The following SPAG17 variants were observed in gnomAD, a reference collection of about 807,000 sequenced individuals.
SPAG17 encodes the protein sperm-associated antigen 17.
Under a neutral mutation model 273.6 loss-of-function variants are expected in SPAG17, and 169 were observed. The observed-to-expected ratio is 0.62, with a 90% CI of 0.55 to 0.70. The LOEUF is 0.70. Ranked by LOEUF, SPAG17 falls within the 30% of genes least tolerant of loss-of-function variation. The pLI, the probability that SPAG17 is intolerant of heterozygous loss-of-function variation, is 0.00. For synonymous variants in SPAG17, 825 were observed against 873.2 expected (o/e 0.94, Z 0.97); for missense variants, 2,557 against 2,627.8 (o/e 0.97, Z 0.59).
At chr1:118,156,319 A>G (rs1185379911) in intron 1 of SPAG17, among the ~76,000 whole-genome samples, 1 of 152,214 alleles carries the variant, frequency 6.6e-6, no homozygotes, top group African/African-American at 2.4e-5. Flanking sequence ...GCAGGGCTCT[A>G]TACATAAATA....
intron 21 of SPAG17, among the ~76,000 whole-genome samples, chr1:118,041,570 G>A (rs546929475): frequency 6.6e-6 from 1 of 152,136 alleles, no homozygotes; most frequent in African/African-American, 2.4e-5. Context: ...ACCTTAGCTA[G>A]GTTCGTGGCA....
rs1411400040 is a variant in SPAG17, at chr1:118,093,301, T to A, written c.1028A>T (p.Asp343Val). Residue 343 changes from aspartate (D) to valine (V), a missense_variant, in exon 8 of 49, where the codon GAT becomes GTT. Coordinates refer to ENST00000336338, the MANE Select transcript of SPAG17 (RefSeq NM_206996.4). Reference sequence around the variant, plus strand: ...CAAGCAGGCAATATTTTCAAAAATATCAGTGCCCAATTTCAGCTACAAGTG... The same window carrying A: ...CAAGCAGGCAATATTTTCAAAAATAACAGTGCCCAATTTCAGCTACAAGTG... ...DGEMMLKLGT[D>V]IFENIACLMY... The A allele has an allele frequency of 6.2e-7, 1 of 1,609,634 alleles. No homozygotes were observed. The highest frequency in any genetic ancestry group is 8.5e-7 in the Non-Finnish European group (1 of 1,177,734).
intron 43 of SPAG17, among the ~76,000 whole-genome samples, chr1:117,977,667 C>G (rs1365517404): frequency 6.6e-6 from 1 of 152,190 alleles, no homozygotes; most frequent in East Asian, 1.9e-4. Context: ...TTTCCATTTA[C>G]AGTGGAGTCA....
At chr1:117,962,747 A>G (rs2101386759) in intron 48 of SPAG17, 1 of 152,378 alleles carries the variant, frequency 6.6e-6, no homozygotes, top group South Asian at 2.1e-4. Context: ...CATTCTAAAG[A>G]TATCTAGCAA....
At chr1:118,051,421 C>T (rs1385260376) in intron 20 of SPAG17, among the ~76,000 whole-genome samples, 2 of 151,766 alleles carry the variant, frequency 1.3e-5, no homozygotes, top group Non-Finnish European at 2.9e-5. Context: ...AATCAGTATC[C>T]TGAGAAGGTA....
At chr1:118,159,976 T>G (rs1219102257) in intron 1 of SPAG17, among the ~76,000 whole-genome samples, 1 of 152,146 alleles carries the variant, frequency 6.6e-6, no homozygotes, top group Non-Finnish European at 1.5e-5. Context: ...AAAATGAACT[T>G]CAGAACATAA....
At chr1:118,083,308 C>T (rs1475691614) in intron 13 of SPAG17, among the ~76,000 whole-genome samples, 1 of 152,102 alleles carries the variant, frequency 6.6e-6, no homozygotes. Flanking sequence ...TACAAAGGCA[C>T]ATGATCCAAC....
intron 20 of SPAG17, among the ~76,000 whole-genome samples, chr1:118,048,340 G>A (rs575425778): frequency 6.6e-6 from 1 of 152,196 alleles, no homozygotes; most frequent in African/African-American, 2.4e-5. Context: ...GCTGGCTGCT[G>A]CGGATTCAGG....
chr1:117,958,892 G>A, intron 48 of SPAG17: 1 of 1,609,900 alleles, frequency 6.2e-7, no homozygotes, highest in Non-Finnish European at 8.5e-7. Context: ...ACATGGCTGT[G>A]TTTTGTTTTT....
At chr1:118,150,503 T>C in intron 3 of SPAG17, 40 bp downstream of exon 3, 1 of 1,203,062 alleles carries the variant, frequency 8.3e-7, no homozygotes, top group Non-Finnish European at 1.2e-6. Flanking sequence ...TTCTTTTTTC[T>C]AAAAACACAA....
chr1:118,115,568 TG>T, intron 3 of SPAG17, 127 bp from the exon 4 acceptor site: 2 of 982,970 alleles, frequency 2.0e-6, no homozygotes, highest in Non-Finnish European at 2.8e-6. Flanking sequence ...CATTGCTGGC[TG>T]AAAAAAAAAA....
chr1:118,085,538 G>GCACACACACACA (rs372317004), intron 13 of SPAG17, among the ~76,000 whole-genome samples: 41 of 149,688 alleles, frequency 2.7e-4, no homozygotes, highest in African/African-American at 9.3e-4. Flanking sequence ...GTGCGCGCGC[G>GCACACACACACA]CACACACACA....
chr1:117,981,375 G>C lies in SPAG17; in HGVS notation c.5899C>G (p.Gln1967Glu), dbSNP rs1557862887. The change falls in exon 43 of 49, where the codon CAG (glutamine) becomes GAG (glutamate). Residue 1967 changes from glutamine (Q) to glutamate (E), a missense_variant. Transcript: ENST00000336338. ...AGACTAGGCACACTTGAGGATTTCT[G>C]TTCTGAAACCTTATGTGGCTTGAAA... ...LDFKPHKVSE[Q>E]KSSSVPSLPK... 1.3e-6 allele frequency: 2 copies of C among 1,597,546 alleles called. No individual in the cohort carries two copies. The highest frequency in any genetic ancestry group is 2.7e-5 in the African/African-American group (2 of 73,866).
intron 1 of SPAG17, among the ~76,000 whole-genome samples, chr1:118,166,136 T>C (rs1330842449): frequency 1.3e-5 from 2 of 152,208 alleles, no homozygotes; most frequent in Non-Finnish European, 2.9e-5. Context: ...TTTCTATTTC[T>C]ACTCAATATA....
rs778003755 is a variant in SPAG17, at chr1:118,081,083, A to ACG, written c.2209+17_2209+18insCG. 42 of 1,547,194 alleles carry ACG rather than the reference A, an allele frequency of 2.7e-5. No individual in the cohort carries two copies. The highest frequency in any genetic ancestry group is 2.1e-5 in the Non-Finnish European group (23 of 1,120,014). On this transcript the variant is annotated intron_variant, in intron 15 of 48. Transcript: ENST00000336338. ...TACACACACACACACACACACACAC[A>ACG]CACACACTTTAACTTACCCAGAGAC... is the stretch of plus-strand genomic sequence containing the variant.
chr1:118,054,650 G>A (rs553157504), intron 19 of SPAG17, among the ~76,000 whole-genome samples: 1 of 152,050 alleles, frequency 6.6e-6, no homozygotes, highest in South Asian at 2.1e-4. Flanking sequence ...CTAATAGGGA[G>A]GTGTGGCCCT....
At chr1:118,149,111 G>A (rs1175702178) in intron 3 of SPAG17, among the ~76,000 whole-genome samples, 3 of 152,196 alleles carry the variant, frequency 2.0e-5, no homozygotes, top group Non-Finnish European at 2.9e-5. Flanking sequence ...CCATTCAGAA[G>A]AGTGTATGTG....
At chr1:117,995,932 G>A (rs894967610) in intron 34 of SPAG17, among the ~76,000 whole-genome samples, 17 of 151,956 alleles carry the variant, frequency 1.1e-4, no homozygotes, top group African/African-American at 3.9e-4. Context: ...ATAAGTTACC[G>A]GGTATTTCAG....
In SPAG17 at chr1:118,028,273, C is replaced by T. The variant is rs148944958; in HGVS notation, c.3730+1G>A. The T allele has an allele frequency of 1.8e-5, 29 of 1,613,224 alleles. No homozygotes were observed. In the East Asian group the frequency reaches 6.2e-4, roughly 35 times the overall value. On this transcript the variant is annotated splice_donor_variant, in intron 26 of 48. Coordinates refer to ENST00000336338, the MANE Select transcript of SPAG17 (RefSeq NM_206996.4). LOFTEE classifies it high-confidence loss of function. ...CCCACCCTACCCCATATAGCACTTACCTGTAGATTCTTGTCCAATGAAAGT... is the reference window on the plus strand; with the variant it reads ...CCCACCCTACCCCATATAGCACTTATCTGTAGATTCTTGTCCAATGAAAGT...
Sources: allele counts gnomAD v4.1 joint callset (sites outside exome capture counted in the v4.1 genomes callset), GRCh38; gene constraint gnomAD v4.1.1; transcripts MANE v1.5; gene names NCBI Gene and HGNC (gene_info 2026-07-23, HGNC 2026-07-21).